PPP2R2B: variants seen among roughly 807,000 people sequenced by gnomAD.
PPP2R2B encodes serine/threonine-protein phosphatase 2A 55 kDa regulatory subunit B beta isoform.
Under a neutral mutation model 46.0 loss-of-function variants are expected in PPP2R2B, and 5 were observed. The observed-to-expected ratio is 0.11, with a 90% CI of 0.06 to 0.23. The LOEUF (loss-of-function observed/expected upper bound fraction) is 0.23. Among genes scored for constraint, PPP2R2B ranks in the 10% least tolerant of loss-of-function variants. The pLI, the probability that PPP2R2B is intolerant of heterozygous loss-of-function variation, is 1.00. For synonymous variants in PPP2R2B, 215 were observed against 206.7 expected, an observed-to-expected ratio of 1.04 and a Z score of -0.34; for missense variants, 367 against 575.0, an observed-to-expected ratio of 0.64 and a Z score of 3.70.
chr5:147,032,426 T>C (rs1368206743), intron 1 of PPP2R2B, among the ~76,000 whole-genome samples: 3 of 152,168 alleles, frequency 2.0e-5, no homozygotes, highest in Admixed American at 6.5e-5. Flanking sequence ...AGTTCTTTAG[T>C]GGTGATTTGT....
chr5:146,590,091 C>T lies in PPP2R2B; in HGVS notation c.1188G>A (p.Gly396=). 1 of 1,614,096 alleles carries T rather than the reference C, an allele frequency of 6.2e-7. No homozygotes were observed. The highest frequency in any genetic ancestry group is 1.1e-5 in the South Asian group (1 of 91,082). The change falls in exon 10 of 10, where the codon GGG becomes GGA. Residue 396 remains glycine (G), a synonymous_variant. Coordinates refer to ENST00000394411, the MANE Select transcript of PPP2R2B (RefSeq NM_181675.4). ...TGATCTCGTCTTTTCTCCGCTTGCCCCCCACACACACTTTTCGGGGTTTGA... is the reference window on the plus strand; with the variant it reads ...TGATCTCGTCTTTTCTCCGCTTGCCTCCCACACACACTTTTCGGGGTTTGA... ...AILKPRKVCV[G]GKRRKDEISV...
At chr5:147,061,107 G>A (rs1757244631) in intron 2 of PPP2R2B, among the ~76,000 whole-genome samples, 1 of 152,036 alleles carries the variant, frequency 6.6e-6, no homozygotes. Flanking sequence ...ATCTTTTTTA[G>A]CAGCTATTAA....
At chr5:146,659,414 G>C (rs541463743) in intron 5 of PPP2R2B, among the ~76,000 whole-genome samples, 4 of 152,286 alleles carry the variant, frequency 2.6e-5, no homozygotes, top group African/African-American at 9.6e-5. Context: ...AGAGTTATGT[G>C]GACTTGGGCT....
chr5:146,783,959 T>C (rs1755689030), intron 2 of PPP2R2B, among the ~76,000 whole-genome samples: 1 of 152,212 alleles, frequency 6.6e-6, no homozygotes, highest in Non-Finnish European at 1.5e-5. Flanking sequence ...TGTGTGTACC[T>C]GTCTATATGA....
chr5:146,851,189 TTTA>T (rs1399136860), intron 2 of PPP2R2B, among the ~76,000 whole-genome samples: 13 of 152,118 alleles, frequency 8.5e-5, no homozygotes, highest in Non-Finnish European at 1.3e-4. Flanking sequence ...CAGAGATCTG[TTTA>T]TTAAGTAATT....
At chr5:146,865,625 A>C (rs141340366) in intron 2 of PPP2R2B, among the ~76,000 whole-genome samples, 2 of 152,330 alleles carry the variant, frequency 1.3e-5, no homozygotes, top group African/African-American at 4.8e-5. Context: ...CCTAATATAT[A>C]ATAAATGTTT....
chr5:146,722,926 G>A (rs1751617845), intron 2 of PPP2R2B, among the ~76,000 whole-genome samples: 2 of 152,082 alleles, frequency 1.3e-5, no homozygotes, highest in African/African-American at 4.8e-5. Context: ...ACATGAACAG[G>A]TCCTTGCTCC....
chr5:146,871,369 T>TCTCAG (rs1335412920), intron 2 of PPP2R2B, among the ~76,000 whole-genome samples: 2 of 152,212 alleles, frequency 1.3e-5, no homozygotes, highest in Non-Finnish European at 1.5e-5. Context: ...AGCGGGACCA[T>TCTCAG]CTCAGCTCAG....
At chr5:146,840,091 A>T (rs1271487266) in intron 2 of PPP2R2B, among the ~76,000 whole-genome samples, 1 of 152,204 alleles carries the variant, frequency 6.6e-6, no homozygotes. Context: ...AAAGTTAATT[A>T]TGTTGATTCT....
chr5:146,679,081 G>T (rs1353485238), intron 5 of PPP2R2B, among the ~76,000 whole-genome samples: 1 of 73,506 alleles, frequency 1.4e-5, no homozygotes, highest in Non-Finnish European at 2.4e-5. Context: ...AGCCCGCATC[G>T]CCAAGTCAAT....
intron 5 of PPP2R2B, among the ~76,000 whole-genome samples, chr5:146,680,562 A>C (rs74951391): frequency 6.6e-6 from 1 of 150,882 alleles, no homozygotes; most frequent in Non-Finnish European, 1.5e-5. Flanking sequence ...AATAAAAAAA[A>C]CCACAGCGTT....
intron 1 of PPP2R2B, among the ~76,000 whole-genome samples, chr5:146,959,151 C>A (rs958127291): frequency 6.6e-6 from 1 of 152,200 alleles, no homozygotes; most frequent in African/African-American, 2.4e-5. Context: ...CCTGGAAATT[C>A]TAAGTCTAAA....
intron 1 of PPP2R2B, among the ~76,000 whole-genome samples, chr5:146,955,892 C>A (rs1440602004): frequency 6.6e-6 from 1 of 151,014 alleles, no homozygotes; most frequent in South Asian, 2.1e-4. Flanking sequence ...AATTCTCCTG[C>A]CTCAGCCTCC....
At chr5:147,004,271 C>T (rs1190284299) in intron 1 of PPP2R2B, among the ~76,000 whole-genome samples, 1 of 84,682 alleles carries the variant, frequency 1.2e-5, no homozygotes, top group Non-Finnish European at 2.3e-5. Context: ...CACTAGAAGA[C>T]ACACTGCCCC....
intron 2 of PPP2R2B, among the ~76,000 whole-genome samples, chr5:146,756,550 T>G (rs191534963): frequency 6.6e-6 from 1 of 152,196 alleles, no homozygotes; most frequent in Admixed American, 6.5e-5. Context: ...AGTTAAAAGG[T>G]AGCCTCTGGG....
At chr5:146,608,292 T>G (rs1772496499) in intron 7 of PPP2R2B, among the ~76,000 whole-genome samples, 1 of 152,166 alleles carries the variant, frequency 6.6e-6, no homozygotes, top group Non-Finnish European at 1.5e-5. Flanking sequence ...AACTGCAAAT[T>G]TCTTTCCTAA....
chr5:146,887,465 A>G (rs557190723), intron 1 of PPP2R2B, among the ~76,000 whole-genome samples: 113 of 152,324 alleles, frequency 7.4e-4, no homozygotes, highest in African/African-American at 2.5e-3. Context: ...AAAGTTATAC[A>G]AACTGAAGAC....
At chr5:146,890,216 G>A (rs1329682432) in intron 1 of PPP2R2B, among the ~76,000 whole-genome samples, 1 of 152,234 alleles carries the variant, frequency 6.6e-6, no homozygotes, top group African/African-American at 2.4e-5. Flanking sequence ...GGACAAAATT[G>A]TAAAGTAACA....
At chr5:146,820,943 C>G (rs1758219800) in intron 2 of PPP2R2B, among the ~76,000 whole-genome samples, 1 of 152,154 alleles carries the variant, frequency 6.6e-6, no homozygotes, top group Admixed American at 6.5e-5. Context: ...GCCATGCCCT[C>G]TGCACTGCGC....
Sources: gnomAD v4.1 joint callset for allele counts (sites outside exome capture counted in the v4.1 genomes callset) on GRCh38, gnomAD v4.1.1 for gene constraint, MANE v1.5 for transcripts, NCBI Gene and HGNC (gene_info 2026-07-23, HGNC 2026-07-21) for gene names.